EPHA3: variants seen among roughly 807,000 people sequenced by gnomAD.
EPHA3 encodes ephrin type-A receptor 3.
EPHA3 carries 42 observed loss-of-function variants against 107.1 expected under a neutral mutation model. That is an observed-to-expected ratio of 0.39 (90% CI 0.31 to 0.51). The LOEUF (loss-of-function observed/expected upper bound fraction) is 0.51. Among genes scored for constraint, EPHA3 ranks in the 20% least tolerant of loss-of-function variants. EPHA3 has a pLI of 0.78. For missense variants in EPHA3, 1,183 were observed against 1,211.2 expected (o/e 0.98, Z 0.35); for synonymous variants, 461 against 424.8 (o/e 1.09, Z -1.05).
At chr3:89,440,805 T>C (rs1408976756) in intron 13 of EPHA3, among the ~76,000 whole-genome samples, 1 of 152,232 alleles carries the variant, frequency 6.6e-6, no homozygotes, top group African/African-American at 2.4e-5. Flanking sequence ...AGCACTTTAT[T>C]CATCTCCTTT....
At chr3:89,147,105 T>C (rs1251974105) in intron 2 of EPHA3, among the ~76,000 whole-genome samples, 1 of 151,754 alleles carries the variant, frequency 6.6e-6, no homozygotes, top group Non-Finnish European at 1.5e-5. Context: ...AAACACCACA[T>C]GTTATCATTC....
At chr3:89,308,348 A>T (rs2107357013) in intron 3 of EPHA3, among the ~76,000 whole-genome samples, 1 of 152,258 alleles carries the variant, frequency 6.6e-6, no homozygotes, top group South Asian at 2.1e-4. Flanking sequence ...AGAGCAAAAT[A>T]GTTTGAGAAG....
chr3:89,281,004 A>AT (rs71105126), intron 3 of EPHA3, among the ~76,000 whole-genome samples: 8 of 147,280 alleles, frequency 5.4e-5, no homozygotes, highest in African/African-American at 1.0e-4. Flanking sequence ...CAAGATTTTT[A>AT]TTATTTATTT....
At chr3:89,447,860 A>C (rs1034108731) in intron 13 of EPHA3, among the ~76,000 whole-genome samples, 2 of 152,144 alleles carry the variant, frequency 1.3e-5, no homozygotes, top group Non-Finnish European at 2.9e-5. Context: ...CTAAATTGCT[A>C]ATCCATTTGT....
At chr3:89,136,545 T>C (rs1704320515) in intron 2 of EPHA3, among the ~76,000 whole-genome samples, 1 of 151,658 alleles carries the variant, frequency 6.6e-6, no homozygotes, top group South Asian at 2.1e-4. Context: ...TGAATTGTGT[T>C]CTCTTCATCA....
chr3:89,208,570 G>T (rs1055134187), intron 2 of EPHA3, among the ~76,000 whole-genome samples: 5 of 119,848 alleles, frequency 4.2e-5, no homozygotes, highest in African/African-American at 1.5e-4. Flanking sequence ...AAGATAAAAA[G>T]AAAGAGAAAG....
At chr3:89,270,835 G>C (rs1439692171) in intron 3 of EPHA3, among the ~76,000 whole-genome samples, 1 of 151,872 alleles carries the variant, frequency 6.6e-6, no homozygotes, top group East Asian at 1.9e-4. Context: ...TACATATAAA[G>C]TAAACTAGAG....
chr3:89,163,576 A>G (rs1403257600), intron 2 of EPHA3, among the ~76,000 whole-genome samples: 1 of 152,166 alleles, frequency 6.6e-6, no homozygotes, highest in Non-Finnish European at 1.5e-5. Flanking sequence ...TTAATATCCA[A>G]TGTATACTTC....
intron 2 of EPHA3, among the ~76,000 whole-genome samples, chr3:89,129,918 G>A (rs1704170357): frequency 6.6e-6 from 1 of 152,112 alleles, no homozygotes; most frequent in African/African-American, 2.4e-5. Context: ...ATAACTGGCA[G>A]TACATCTGAC....
At chr3:89,148,249 A>G (rs1032376778) in intron 2 of EPHA3, among the ~76,000 whole-genome samples, 1 of 152,000 alleles carries the variant, frequency 6.6e-6, no homozygotes, top group Non-Finnish European at 1.5e-5. Context: ...GGCACTTAAT[A>G]CCAGGGTCAT....
At chr3:89,473,667 T>A (rs962656483) in intron 16 of EPHA3, among the ~76,000 whole-genome samples, 1 of 152,222 alleles carries the variant, frequency 6.6e-6, no homozygotes, top group Admixed American at 6.5e-5. Context: ...TCCAACTCCC[T>A]TAATCTAAGT....
intron 3 of EPHA3, among the ~76,000 whole-genome samples, chr3:89,290,849 T>C (rs1284446341): frequency 6.6e-6 from 1 of 152,178 alleles, no homozygotes; most frequent in Non-Finnish European, 1.5e-5. Flanking sequence ...TTGAAATAAA[T>C]TATTAAATCC....
rs949556344 is a variant in EPHA3, at chr3:89,369,503, A to G, written c.1307-26334A>G. On this transcript the variant is annotated intron_variant, in intron 5 of 16. Transcript: ENST00000336596. ...ACACAACTAATTTATACAAAAATTA[A>G]TTCAAGATGGATTAAAGACTTAAAT... Among the ~76,000 whole-genome samples the G allele has an allele frequency of 4.0e-5, 6 of 150,586 alleles. 1 individual carries two copies.
intron 5 of EPHA3, among the ~76,000 whole-genome samples, chr3:89,387,896 T>G (rs1708654397): frequency 6.6e-6 from 1 of 152,088 alleles, no homozygotes; most frequent in Non-Finnish European, 1.5e-5. Context: ...TAAAACTACT[T>G]TAGATCTTTA....
At chr3:89,212,846 A>G (rs1704135051) in intron 3 of EPHA3, among the ~76,000 whole-genome samples, 1 of 152,010 alleles carries the variant, frequency 6.6e-6, no homozygotes, top group African/African-American at 2.4e-5. Context: ...TTCATTGTGG[A>G]ATGCTAACTT....
At chr3:89,469,511 G>A (rs983625148) in intron 15 of EPHA3, among the ~76,000 whole-genome samples, 19 of 152,118 alleles carry the variant, frequency 1.2e-4, no homozygotes, top group African/African-American at 2.2e-4. Context: ...CCTGGCTCAC[G>A]AATCAACTTT....
chr3:89,322,128 G>A (rs888998021), intron 3 of EPHA3, among the ~76,000 whole-genome samples: 3 of 151,490 alleles, frequency 2.0e-5, no homozygotes, highest in Admixed American at 6.6e-5. Flanking sequence ...ACACAGAGGG[G>A]GGTTGGAGAG....
At chr3:89,441,576 C>T (rs1709788309) in intron 13 of EPHA3, among the ~76,000 whole-genome samples, 1 of 152,104 alleles carries the variant, frequency 6.6e-6, no homozygotes, top group Non-Finnish European at 1.5e-5. Flanking sequence ...TGTGGCACAT[C>T]CCTCTAAAGC....
intron 3 of EPHA3, among the ~76,000 whole-genome samples, chr3:89,235,167 C>A (rs924755647): frequency 1.3e-4 from 19 of 151,680 alleles, no homozygotes; most frequent in African/African-American, 4.6e-4. Flanking sequence ...GGTGATCCAC[C>A]CACCTCGACG....
Sources: allele counts gnomAD v4.1 joint callset (sites outside exome capture counted in the v4.1 genomes callset), GRCh38; gene constraint gnomAD v4.1.1; transcripts MANE v1.5; gene names NCBI Gene and HGNC (gene_info 2026-07-23, HGNC 2026-07-21).